Variants in PDE7B observed in about 807,000 individuals in gnomAD.
PDE7B encodes the protein 3',5'-cyclic-AMP phosphodiesterase 7B.
A neutral mutation model predicts 56.2 loss-of-function variants in PDE7B; 29 were observed. That is an observed-to-expected ratio of 0.52 (90% CI 0.38 to 0.70). PDE7B has a LOEUF of 0.70. Among genes scored for constraint, PDE7B ranks in the 30% least tolerant of loss-of-function variants. The pLI is 0.00. For missense variants in PDE7B, 490 were observed against 565.0 expected (o/e 0.87, Z 1.35); for synonymous variants, 197 against 196.9 (o/e 1.00, Z 0.00).
chr6:136,118,759 T>C (rs182443946), intron 3 of PDE7B, among the ~76,000 whole-genome samples: 18 of 152,324 alleles, frequency 1.2e-4, no homozygotes, highest in Admixed American at 8.5e-4. Context: ...CTTTTAAATA[T>C]TTTTTATAAA....
intron 1 of PDE7B, among the ~76,000 whole-genome samples, chr6:135,931,952 C>A (rs780020362): frequency 1.0e-3 from 29 of 28,122 alleles, no homozygotes; most frequent in Non-Finnish European, 2.2e-3. Flanking sequence ...CACACGCGCG[C>A]GCACACACAC....
chr6:136,119,256 A>G (rs1170618371), intron 3 of PDE7B, among the ~76,000 whole-genome samples: 1 of 152,178 alleles, frequency 6.6e-6, no homozygotes, highest in Non-Finnish European at 1.5e-5. Context: ...CAAAAAGAAG[A>G]TCTCAGTTAT....
Position 136,084,672 on chromosome 6 carries a change from G to A in PDE7B, c.83-24059G>A, listed in dbSNP as rs1777260293. Among the ~76,000 whole-genome samples the A allele has an allele frequency of 2.0e-5, 3 of 152,264 alleles. No homozygotes were observed. In the South Asian group the frequency reaches 6.2e-4, roughly 32 times the overall value. Reference sequence around the variant, plus strand: ...ATAGTGTTCTTATTATAAGTATTAGGTGTAAAAGGCAAATTGCCAGATGCC... The same window carrying A: ...ATAGTGTTCTTATTATAAGTATTAGATGTAAAAGGCAAATTGCCAGATGCC... On this transcript the variant is annotated intron_variant, in intron 2 of 12. Transcript: ENST00000308191.
intron 2 of PDE7B, among the ~76,000 whole-genome samples, chr6:136,002,903 T>C (rs1370761490): frequency 6.6e-6 from 1 of 152,074 alleles, no homozygotes; most frequent in Non-Finnish European, 1.5e-5. Context: ...TATACATTTT[T>C]TTCAGCACCA....
chr6:135,942,561 C>T (rs568388748), intron 1 of PDE7B, among the ~76,000 whole-genome samples: 1 of 152,158 alleles, frequency 6.6e-6, no homozygotes, highest in South Asian at 2.1e-4. Flanking sequence ...ACTATAGTTG[C>T]CGTGTTGTAC....
At chr6:136,158,398 G>A (rs186098214) in intron 8 of PDE7B, among the ~76,000 whole-genome samples, 1 of 152,286 alleles carries the variant, frequency 6.6e-6, no homozygotes, top group East Asian at 1.9e-4. Context: ...TGCACATTTG[G>A]TCAACAAGAA....
chr6:136,000,185 C>T (rs1298733849), intron 2 of PDE7B, among the ~76,000 whole-genome samples: 1 of 152,142 alleles, frequency 6.6e-6, no homozygotes, highest in Non-Finnish European at 1.5e-5. Flanking sequence ...ATAGTTTTCT[C>T]CCATTCTGTA....
intron 1 of PDE7B, among the ~76,000 whole-genome samples, chr6:135,910,933 G>A (rs1425147164): frequency 6.6e-6 from 1 of 152,096 alleles, no homozygotes; most frequent in Non-Finnish European, 1.5e-5. Context: ...CATTCTGCAT[G>A]ATTAACCTAC....
At chr6:135,861,435 T>C (rs983943013) in intron 1 of PDE7B, among the ~76,000 whole-genome samples, 1 of 151,402 alleles carries the variant, frequency 6.6e-6, no homozygotes. Context: ...CCTTTTCACA[T>C]GTATATTGGC....
intron 7 of PDE7B, among the ~76,000 whole-genome samples, chr6:136,154,546 G>A (rs6938169): frequency 0.1 from 15,923 of 151,996 alleles, 2,819 homozygotes; most frequent in African/African-American, 0.36. Context: ...GTTGGGAAAA[G>A]TCTCCTACTG....
At chr6:135,979,930 G>C (rs1351861616) in intron 2 of PDE7B, among the ~76,000 whole-genome samples, 2 of 152,080 alleles carry the variant, frequency 1.3e-5, no homozygotes, top group Non-Finnish European at 2.9e-5. Flanking sequence ...CACAGAATTT[G>C]AAAAAACTAC....
intron 1 of PDE7B, among the ~76,000 whole-genome samples, chr6:135,876,616 T>C (rs1231826655): frequency 6.6e-6 from 1 of 152,070 alleles, no homozygotes; most frequent in Non-Finnish European, 1.5e-5. Flanking sequence ...CCCAGCACTT[T>C]GGGAGGCTGA....
chr6:135,885,137 A>G (rs982297678), intron 1 of PDE7B, among the ~76,000 whole-genome samples: 3 of 152,106 alleles, frequency 2.0e-5, no homozygotes, highest in Admixed American at 1.3e-4. Flanking sequence ...TCTCTATTTC[A>G]GAGTCTAGAT....
In PDE7B at chr6:136,144,249, C is replaced by T. The variant is rs762926845; in HGVS notation, c.167-3102C>T. Among the ~76,000 whole-genome samples, 29 of 152,130 alleles carry T rather than the reference C, an allele frequency of 1.9e-4. 1 individual carries two copies. The highest frequency in any genetic ancestry group is 1.0e-4 in the Non-Finnish European group (7 of 67,954). ...TCTTAAATTTTTTATCATAAAATAA[C>T]TTCAATTTATCAAAAATCTGCAAGA... On this transcript the variant is annotated intron_variant, in intron 3 of 12. Coordinates refer to ENST00000308191, the MANE Select transcript of PDE7B (RefSeq NM_018945.4).
intron 2 of PDE7B, among the ~76,000 whole-genome samples, chr6:136,092,368 G>C (rs1777402531): frequency 6.6e-6 from 1 of 152,084 alleles, no homozygotes; most frequent in South Asian, 2.1e-4. Flanking sequence ...ATAATCTAGT[G>C]GAATTATGAA....
At chr6:136,187,351 T>C (rs906873372) in intron 12 of PDE7B, among the ~76,000 whole-genome samples, 1 of 152,188 alleles carries the variant, frequency 6.6e-6, no homozygotes, top group African/African-American at 2.4e-5. Context: ...CTTAACTAAC[T>C]TGTATTATTT....
intron 1 of PDE7B, among the ~76,000 whole-genome samples, chr6:135,931,150 C>T (rs758152771): frequency 1.3e-5 from 2 of 152,182 alleles, no homozygotes; most frequent in African/African-American, 2.4e-5. Context: ...AAGATAAAGA[C>T]TAGTAATGAT....
chr6:135,873,189 C>T (rs1171381724), intron 1 of PDE7B, among the ~76,000 whole-genome samples: 1 of 152,132 alleles, frequency 6.6e-6, no homozygotes, highest in Non-Finnish European at 1.5e-5. Context: ...TTGTTTAACT[C>T]CCTTCACTTT....
intron 3 of PDE7B, among the ~76,000 whole-genome samples, chr6:136,127,231 T>C (rs1219438277): frequency 6.6e-6 from 1 of 152,132 alleles, no homozygotes; most frequent in Non-Finnish European, 1.5e-5. Flanking sequence ...CATCCCTGGC[T>C]CCCTTCCATT....
Sources: allele counts gnomAD v4.1 joint callset (sites outside exome capture counted in the v4.1 genomes callset), GRCh38; gene constraint gnomAD v4.1.1; transcripts MANE v1.5; gene names NCBI Gene and HGNC (gene_info 2026-07-23, HGNC 2026-07-21).